The following EHMT2 variants were observed in gnomAD, a reference collection of about 807,000 sequenced individuals.
The protein encoded by EHMT2 is euchromatic histone lysine methyltransferase 2.
EHMT2 carries 59 observed loss-of-function variants against 143.3 expected under a neutral mutation model. The ratio of observed to expected loss-of-function variants is 0.41; its 90% CI spans 0.33 to 0.51. EHMT2 has a LOEUF of 0.51. Among genes scored for constraint, EHMT2 ranks in the 20% least tolerant of loss-of-function variants. The pLI is 0.18. For missense variants in EHMT2, 1,174 were observed against 1,645.9 expected, an observed-to-expected ratio of 0.71 and a Z score of 4.96; for synonymous variants, 604 against 651.5, an observed-to-expected ratio of 0.93 and a Z score of 1.11.
chr6:31,884,848 G>C lies in EHMT2; in HGVS notation c.2449-49C>G. 1 of 1,578,560 alleles carries C rather than the reference G, an allele frequency of 6.3e-7. No homozygotes were observed. The highest frequency in any genetic ancestry group is 8.6e-7 in the Non-Finnish European group (1 of 1,156,368). ...ATGAGGTGCAGGCAGCTGGGCCCTT[G>C]AATCCAGCCTCCACCTTGCTCAGGG... is the stretch of plus-strand genomic sequence containing the variant. On this transcript the variant is annotated intron_variant, in intron 19 of 27. Coordinates refer to ENST00000375537, the Ensembl canonical transcript of EHMT2. The surrounding 1 kb of genome is among the most constrained non-coding windows in gnomAD (Gnocchi z 7.3).
At chr6:31,897,047 C>T in intron 1 of EHMT2, 58 bp from the exon 2 acceptor site, 1 of 1,511,166 alleles carries the variant, frequency 6.6e-7, no homozygotes, top group Non-Finnish European at 8.8e-7. Context: ...GTTGGGGGGT[C>T]CAGGATGCCT....
chr6:31,896,468 C>T (rs1469606651), exon 4 of EHMT2: 2 of 1,613,036 alleles, frequency 1.2e-6, no homozygotes, highest in Non-Finnish European at 1.7e-6. Flanking sequence ...CCGGCTAGGA[C>T]AGGAACCCCC....
chr6:31,884,712 C>A lies in EHMT2; in HGVS notation c.2536G>T (p.Ala846Ser), dbSNP rs531825556. The stretch of plus-strand genomic sequence containing the variant: ...GGGGTGTCCCCATGGTAGTTGACAG[C>A]ATGGAGGTCACAGCGCGCATTCAGA... Residue 846 changes from alanine (A) to serine (S), a missense_variant, in exon 20 of 28, where the codon GCT becomes TCT. Ala to Ser is a moderately conservative substitution (Grantham distance 99, BLOSUM62 1). This residue lies in a region of EHMT2 where 608 missense variants were observed against 903.7 expected (regional missense o/e 0.67). Transcript: ENST00000375537. This position sits in a 1 kb window ranked among gnomAD's most constrained non-coding sequence, Gnocchi z 7.3. 1.3e-6 allele frequency: 2 copies of A among 1,592,970 alleles called. No individual in the cohort carries two copies. Among genetic ancestry groups the A allele is most frequent in the Admixed American group, 1.8e-5 (1 of 57,050 alleles).
chr6:31,880,573 A>C lies in EHMT2; in HGVS notation c.3452+100T>G. 2 of 1,289,262 alleles carry C rather than the reference A, an allele frequency of 1.6e-6. No homozygotes were observed. The highest frequency in any genetic ancestry group is 1.9e-5 in the Admixed American group (1 of 52,784). 79.9% of individuals were successfully genotyped at this position (1,289,262 alleles called of 1,614,324 possible). A position where few individuals can be genotyped will look rare whatever the true frequency, so the allele number is the denominator to read the frequency against. ...ACTGAAATCTGAGAAGCTCTGCACT[A>C]CTCCATGCCTGGACACCAGGTACAT... On this transcript the variant is annotated intron_variant, in intron 27 of 27. Coordinates refer to ENST00000375537, the Ensembl canonical transcript of EHMT2. The surrounding 1 kb of genome is among the most constrained non-coding windows in gnomAD (Gnocchi z 6.6).
Position 31,880,591 on chromosome 6 carries a change from A to AG in EHMT2, c.3452+81dup. ...CTGCACTACTCCATGCCTGGACACC[A>AG]GGTACATGCCAGCCTTCAGGTCCCA... On this transcript the variant is annotated intron_variant, in intron 27 of 27. Transcript: ENST00000375537. This position sits in a 1 kb window ranked among gnomAD's most constrained non-coding sequence, Gnocchi z 6.6. 1.4e-6 allele frequency: 2 copies of AG among 1,437,694 alleles called. No homozygotes were observed. Among genetic ancestry groups the AG allele is most frequent in the Non-Finnish European group, 1.9e-6 (2 of 1,036,224 alleles). The allele number at this position is 1,437,694 out of a possible 1,614,324, so 89.1% of individuals were successfully genotyped here.
intron 4 of EHMT2, chr6:31,893,423 T>C (rs1381421994): frequency 2.3e-6 from 1 of 429,602 alleles, no homozygotes; most frequent in South Asian, 1.7e-5. Context: ...ACTCAAGCCA[T>C]TCTCCTGCCT....
Position 31,880,585 on chromosome 6 carries a change from G to A in EHMT2, c.3452+88C>T, listed in dbSNP as rs1763973836. On this transcript the variant is annotated intron_variant, in intron 27 of 27. Transcript: ENST00000375537. This position sits in a 1 kb window ranked among gnomAD's most constrained non-coding sequence, Gnocchi z 6.6. ...GAAGCTCTGCACTACTCCATGCCTG[G>A]ACACCAGGTACATGCCAGCCTTCAG... is the stretch of plus-strand genomic sequence containing the variant. 7.1e-7 allele frequency: 1 copy of A among 1,403,894 alleles called. No homozygotes were observed. Among genetic ancestry groups the A allele is most frequent in the Non-Finnish European group, 9.9e-7 (1 of 1,008,788 alleles). The allele number at this position is 1,403,894 out of a possible 1,614,324, so 87.0% of individuals were successfully genotyped here. A position where few individuals can be genotyped will look rare whatever the true frequency, so the allele number is the denominator to read the frequency against.
At chr6:31,897,051 G>C in intron 1 of EHMT2, 62 bp from the exon 2 acceptor site, 3 of 1,510,836 alleles carry the variant, frequency 2.0e-6, no homozygotes, top group African/African-American at 1.4e-5. Context: ...GGGGGTCCAG[G>C]ATGCCTGGGC....
Position 31,889,187 on chromosome 6 carries a change from C to T in EHMT2, c.1114+41G>A, listed in dbSNP as rs747457230. 2.2e-5 allele frequency: 35 copies of T among 1,567,340 alleles called. No individual in the cohort carries two copies. The highest frequency in any genetic ancestry group is 5.4e-5 in the African/African-American group (4 of 73,712). ...CGTGCACACACTCTGGGGGGCCGGG[C>T]GGGGGCTGGAGGGCACCCAAAAGCA... On this transcript the variant is annotated intron_variant, in intron 9 of 27. Coordinates refer to ENST00000375537, the Ensembl canonical transcript of EHMT2. This position sits in a 1 kb window ranked among gnomAD's most constrained non-coding sequence, Gnocchi z 5.1.
rs1049583212 is a variant in EHMT2 at position 31,888,235 on chromosome 6, G to A, written c.1551C>T (p.His517=). 6.2e-7 allele frequency: 1 copy of A among 1,612,978 alleles called. No homozygotes were observed. Among genetic ancestry groups the A allele is most frequent in the Non-Finnish European group, 8.5e-7 (1 of 1,179,978 alleles). Reference sequence around the variant, plus strand: ...GAGACACACAGGCCTTGTGGAAGCGGTGGGCCACACGGAAGTCAGGGTGGC... The same window carrying A: ...GAGACACACAGGCCTTGTGGAAGCGATGGGCCACACGGAAGTCAGGGTGGC... The change falls in exon 13 of 28, where the codon CAC becomes CAT. Residue 517 remains histidine (H), a synonymous_variant. Transcript: ENST00000375537. This position sits in a 1 kb window ranked among gnomAD's most constrained non-coding sequence, Gnocchi z 7.4.
At position 31,881,055 on chromosome 6, in the gene EHMT2, C is replaced by A; in HGVS notation, c.3235G>T (p.Val1079Leu). The A allele has an allele frequency of 1.2e-5, 19 of 1,612,994 alleles. No homozygotes were observed. Among genetic ancestry groups the A allele is most frequent in the Non-Finnish European group, 1.6e-5 (19 of 1,180,020 alleles). Reference sequence around the variant, plus strand: ...AAGAGGTAAGAATCATCCTCTCTCACATCAGCCTCAGCATCAGAGATCAGC... The same window carrying A: ...AAGAGGTAAGAATCATCCTCTCTCAAATCAGCCTCAGCATCAGAGATCAGC... Residue 1079 changes from valine to leucine, a missense_variant, in exon 26 of 28, where the codon GTG (valine) becomes TTG (leucine). By Grantham distance (32) the Val-to-Leu change is conservative (BLOSUM62 1). Transcript: ENST00000375537. The surrounding 1 kb of genome is among the most constrained non-coding windows in gnomAD (Gnocchi z 4.8).
Position 31,884,265 on chromosome 6 carries a change from G to T in EHMT2, c.2771+127C>A. The T allele has an allele frequency of 8.8e-7, 1 of 1,139,760 alleles. No homozygotes were observed. The highest frequency in any genetic ancestry group is 1.2e-6 in the Non-Finnish European group (1 of 819,010). The allele number at this position is 1,139,760 out of a possible 1,614,324, so 70.6% of individuals were successfully genotyped here. A position where few individuals can be genotyped will look rare whatever the true frequency, so the allele number is the denominator to read the frequency against. ...AACCCTAGTGGGGAGGGGGCCTGTG[G>T]GTGGTTCTGGGGATTCAGTGGTGCA... is the stretch of plus-strand genomic sequence containing the variant. On this transcript the variant is annotated intron_variant, in intron 21 of 27. Coordinates refer to ENST00000375537, the Ensembl canonical transcript of EHMT2. This position sits in a 1 kb window ranked among gnomAD's most constrained non-coding sequence, Gnocchi z 7.3.
chr6:31,892,560 T>C (rs535586), exon 7 of EHMT2: 1,128,523 of 1,612,586 alleles, frequency 0.7, 404,034 homozygotes, highest in Middle Eastern at 0.91. Context: ...CTAACTCCTC[T>C]GACTAGAAAA....
intron 1 of EHMT2, 126 bp from the exon 2 acceptor site, chr6:31,897,115 C>A: frequency 2.1e-6 from 3 of 1,419,924 alleles, no homozygotes; most frequent in Non-Finnish European, 1.8e-6. Context: ...TGGGGCCCCC[C>A]CCTTCCGCGG....
chr6:31,888,797 T>G lies in EHMT2; in HGVS notation c.1217-50A>C, dbSNP rs1355777617. 2.5e-6 allele frequency: 4 copies of G among 1,598,930 alleles called. No homozygotes were observed. In the South Asian group the frequency reaches 4.5e-5, roughly 18 times the overall value. The stretch of plus-strand genomic sequence containing the variant: ...GAGGGAGGCTCTGCACCTCACCTAC[T>G]GGGACCCCTGGCGGGTCCTCTCACT... On this transcript the variant is annotated intron_variant, in intron 10 of 27. Transcript: ENST00000375537. This position sits in a 1 kb window ranked among gnomAD's most constrained non-coding sequence, Gnocchi z 7.4.
Position 31,892,575 on chromosome 6 carries a change from C to G in EHMT2, c.709-13G>C. The G allele has an allele frequency of 1.2e-6, 2 of 1,612,646 alleles. No homozygotes were observed. The highest frequency in any genetic ancestry group is 1.7e-6 in the Non-Finnish European group (2 of 1,179,854). ...CTAACTCCTCTGACTAGAAAAAGAT[C>G]AGAAAAATTGAGGCCACTGACACCC... On this transcript the variant is annotated splice_polypyrimidine_tract_variant and intron_variant, in intron 6 of 27. Coordinates refer to ENST00000375537, the Ensembl canonical transcript of EHMT2.
rs777926847 is a variant in EHMT2, at chr6:31,888,410, T to A, written c.1462A>T (p.Met488Leu). Reference sequence around the variant, plus strand: ...CCCGGGCAGCAGTGGTGTTTGACCATGCGGGCGCGGTGGGTCTCACAGAGC... The same window carrying A: ...CCCGGGCAGCAGTGGTGTTTGACCAAGCGGGCGCGGTGGGTCTCACAGAGC... The change falls in exon 12 of 28, where the codon ATG (methionine) becomes TTG (leucine). Residue 488 changes from methionine to leucine, a missense_variant. By Grantham distance (15) the Met-to-Leu change is conservative. Transcript: ENST00000375537. This position sits in a 1 kb window ranked among gnomAD's most constrained non-coding sequence, Gnocchi z 7.4. 1 of 1,612,838 alleles carries A rather than the reference T, an allele frequency of 6.2e-7. No individual in the cohort carries two copies. The highest frequency in any genetic ancestry group is 8.5e-7 in the Non-Finnish European group (1 of 1,179,938).
At chr6:31,896,932 T>C (rs761903637) in exon 2 of EHMT2, 1 of 1,597,732 alleles carries the variant, frequency 6.3e-7, no homozygotes, top group South Asian at 1.1e-5. Flanking sequence ...CCTCTCTCGG[T>C]GGCTCCTCTG....
At chr6:31,890,104 C>T (rs1236005237) in intron 7 of EHMT2, among the ~76,000 whole-genome samples, 1 of 152,126 alleles carries the variant, frequency 6.6e-6, no homozygotes, top group Non-Finnish European at 1.5e-5. Flanking sequence ...CTTCTTGGCA[C>T]CTGAAGCTGA....
Sources: gnomAD v4.1 joint callset for allele counts (sites outside exome capture counted in the v4.1 genomes callset) on GRCh38, gnomAD v4.1.1 for gene constraint, gnomAD v4.1.1 regional missense constraint, Gnocchi (gnomAD v3.1) non-coding constraint, MANE v1.5 for transcripts, NCBI Gene and HGNC (gene_info 2026-07-23, HGNC 2026-07-21) for gene names.